The following NDUFA10 variants were observed in gnomAD, a reference collection of about 807,000 sequenced individuals.
NDUFA10 encodes the protein NADH:ubiquinone oxidoreductase subunit A10, also known as NADH dehydrogenase [ubiquinone] 1 alpha subcomplex subunit 10, mitochondrial.
Under a neutral mutation model 47.8 loss-of-function variants are expected in NDUFA10, and 40 were observed. That is an observed-to-expected ratio of 0.84 (90% CI 0.65 to 1.09). The LOEUF (loss-of-function observed/expected upper bound fraction) is 1.09. NDUFA10 is among the 50% of genes least tolerant of loss of function. The pLI is 0.00. For missense variants in NDUFA10, 413 were observed against 451.1 expected, an observed-to-expected ratio of 0.92 and a Z score of 0.76; for synonymous variants, 183 against 172.2, an observed-to-expected ratio of 1.06 and a Z score of -0.49.
At chr2:239,919,209 C>T (rs1015062975) in intron 4 of NDUFA10, among the ~76,000 whole-genome samples, 3 of 152,218 alleles carry the variant, frequency 2.0e-5, no homozygotes, top group African/African-American at 7.2e-5. Flanking sequence ...AGGCATGCAG[C>T]TCTGGAGCCA....
downstream of NDUFA10, among the ~76,000 whole-genome samples, chr2:239,955,747 G>A (rs1470317081): frequency 1.3e-5 from 2 of 152,196 alleles, no homozygotes; most frequent in African/African-American, 4.8e-5. Flanking sequence ...TCATAGGCTG[G>A]GTTCTCAGGG....
rs1024355296 is a variant in NDUFA10, at chr2:239,927,991, T to C, written c.295-32677A>G. Among the ~76,000 whole-genome samples, 4 of 152,284 alleles carry C rather than the reference T, an allele frequency of 2.6e-5. No individual in the cohort carries two copies. The South Asian group carries it at 6.2e-4, about 24-fold the overall frequency. Reference sequence around the variant, plus strand: ...TGCTGCGTTTGCAATTTCTTGTGCATGTGTAGTCATCAAATTAAAAGTTAA... The same window carrying C: ...TGCTGCGTTTGCAATTTCTTGTGCACGTGTAGTCATCAAATTAAAAGTTAA... On this transcript the variant is annotated intron_variant, in intron 4 of 5. Coordinates refer to the NDUFA10 transcript ENST00000419408.
chr2:239,976,424 G>GC lies in NDUFA10; in HGVS notation c.999+13649dup, dbSNP rs201037564. ...CAGCCATCCTCCTTCTCCCTCAACT[G>GC]CCCCCCCCAAGACTCTACTTGGCAA... On this transcript the variant is annotated intron_variant, in intron 9 of 9. Transcript: ENST00000252711. The GC allele has an allele frequency of 4.7e-3, 711 of 151,632 alleles. 18 individuals carry two copies. Among genetic ancestry groups the GC allele is most frequent in the Admixed American group, 0.03 (455 of 15,198 alleles). The allele number at this position is 151,632 out of a possible 1,614,324, so 9.4% of individuals were successfully genotyped here.
Position 239,960,258 on chromosome 2 carries a change from A to G in NDUFA10, c.*860T>C, listed in dbSNP as rs1256221206. ...CTGACAGCTTGATTCCTAAACCATG[A>G]TGCTGAACCACAACCAGCTTGTTTT... On this transcript the variant is annotated 3_prime_UTR_variant, in exon 10 of 10. Coordinates refer to ENST00000252711, the MANE Select transcript of NDUFA10 (RefSeq NM_004544.4). 8 of 985,550 alleles carry G rather than the reference A, an allele frequency of 8.1e-6. No homozygotes were observed. In the African/African-American group the frequency reaches 1.2e-4, roughly 15 times the overall value. The allele number at this position is 985,550 out of a possible 1,614,324, so 61.1% of individuals were successfully genotyped here.
chr2:239,977,723 T>C (rs1695587885), intron 9 of NDUFA10, among the ~76,000 whole-genome samples: 2 of 152,372 alleles, frequency 1.3e-5, no homozygotes, highest in Non-Finnish European at 2.9e-5. Flanking sequence ...TGTAATCTAC[T>C]GTCTGGAACT....
At chr2:239,992,181 T>C (rs1209811376) in intron 8 of NDUFA10, among the ~76,000 whole-genome samples, 1 of 152,202 alleles carries the variant, frequency 6.6e-6, no homozygotes, top group Non-Finnish European at 1.5e-5. Context: ...AAAGAAAATA[T>C]TCTCTTCACA....
chr2:239,936,274 A>T (rs1258922866), intron 4 of NDUFA10, among the ~76,000 whole-genome samples: 1 of 152,200 alleles, frequency 6.6e-6, no homozygotes, highest in East Asian at 1.9e-4. Context: ...TTTCCTCAGG[A>T]TGGCAGGGCA....
intron 4 of NDUFA10, among the ~76,000 whole-genome samples, chr2:239,929,543 C>A (rs1417520644): frequency 6.6e-6 from 1 of 152,150 alleles, no homozygotes; most frequent in Non-Finnish European, 1.5e-5. Flanking sequence ...ACCTCACAAG[C>A]CCGGGAAGTG....
rs1183499105 is a variant in NDUFA10, at chr2:239,928,461, T to TTCC, written c.295-33150_295-33148dup. 7.2e-5 allele frequency among the ~76,000 whole-genome samples: 11 copies of TTCC among 152,174 alleles called. No individual in the cohort carries two copies. The highest frequency in any genetic ancestry group is 1.6e-4 in the Non-Finnish European group (11 of 68,016). On this transcript the variant is annotated intron_variant, in intron 4 of 5. Transcript: ENST00000419408. This position sits in a 1 kb window ranked among gnomAD's most constrained non-coding sequence, Gnocchi z 4.3. ...TGTGATTATTATTCTGTGAAGTCAG[T>TTCC]TCCTCATGGCAGGAAATCCCCCGAA...
intron 4 of NDUFA10, among the ~76,000 whole-genome samples, chr2:239,921,966 C>T (rs1574780828): frequency 6.9e-6 from 1 of 144,654 alleles, no homozygotes; most frequent in South Asian, 2.3e-4. Flanking sequence ...CCCTCCCTCC[C>T]TCCTTTCCTC....
chr2:240,023,775 G>A (rs759085738), intron 1 of NDUFA10, among the ~76,000 whole-genome samples: 1 of 152,112 alleles, frequency 6.6e-6, no homozygotes, highest in Non-Finnish European at 1.5e-5. Flanking sequence ...GAAGAGTAAG[G>A]AAGAAACAAG....
intron 4 of NDUFA10, among the ~76,000 whole-genome samples, chr2:239,951,739 A>T (rs1286506836): frequency 6.6e-6 from 1 of 152,266 alleles, no homozygotes; most frequent in Non-Finnish European, 1.5e-5. Flanking sequence ...CATTCCTAAA[A>T]TTCCTAAATT....
At chr2:239,986,000 C>T (rs1390344550) in intron 9 of NDUFA10, among the ~76,000 whole-genome samples, 4 of 150,748 alleles carry the variant, frequency 2.7e-5, no homozygotes, top group African/African-American at 4.9e-5. Flanking sequence ...CAAGTGAGTA[C>T]AGACGCACAT....
In NDUFA10 at chr2:239,961,134, C is replaced by T; in HGVS notation, c.1052G>A (p.Trp351Ter). Reference protein sequence around the residue: ...PGYNTEVGDKWIWLK With the variant: ...PGYNTEVGDK ...GCGGCCCGTTCACTTCAGCCAGATC[C>T]ACTTGTCTCCCACCTCGGTGTTGTA... Residue 351 changes from tryptophan (W) to a stop codon, truncating the protein, a stop_gained, in exon 10 of 10, where the codon TGG becomes TAG. Coordinates refer to ENST00000252711, the MANE Select transcript of NDUFA10 (RefSeq NM_004544.4). LOFTEE classifies it high-confidence loss of function. 6.2e-7 allele frequency: 1 copy of T among 1,614,248 alleles called. No individual in the cohort carries two copies. Among genetic ancestry groups the T allele is most frequent in the South Asian group, 1.1e-5 (1 of 91,090 alleles).
intron 9 of NDUFA10, among the ~76,000 whole-genome samples, chr2:239,981,210 T>C (rs1695759554): frequency 6.6e-6 from 1 of 152,226 alleles, no homozygotes; most frequent in African/African-American, 2.4e-5. Flanking sequence ...CATCCTGTAC[T>C]TCATCTGGCA....
intron 9 of NDUFA10, 82 bp downstream of exon 9, chr2:239,989,992 C>G: frequency 9.8e-7 from 1 of 1,021,610 alleles, no homozygotes; most frequent in Non-Finnish European, 1.6e-6. Flanking sequence ...AACAAAAACT[C>G]CTTTCTGGAG....
At chr2:239,944,092 A>G (rs1408484969) in intron 4 of NDUFA10, among the ~76,000 whole-genome samples, 1 of 152,098 alleles carries the variant, frequency 6.6e-6, no homozygotes. Context: ...CTCCAGGTGC[A>G]GGGCACCGGT....
chr2:239,972,137 A>G (rs1695326606), intron 9 of NDUFA10, among the ~76,000 whole-genome samples: 2 of 150,498 alleles, frequency 1.3e-5, no homozygotes, highest in African/African-American at 4.9e-5. Flanking sequence ...TTCATGAAGG[A>G]TGTGTGTGTG....
chr2:240,001,044 G>A (rs1187384080), intron 8 of NDUFA10, among the ~76,000 whole-genome samples: 1 of 152,212 alleles, frequency 6.6e-6, no homozygotes, highest in African/African-American at 2.4e-5. Flanking sequence ...CACATCACTC[G>A]GAAGGTCAGC....
Sources: allele counts gnomAD v4.1 joint callset (sites outside exome capture counted in the v4.1 genomes callset), GRCh38; gene constraint gnomAD v4.1.1; non-coding constraint Gnocchi (gnomAD v3.1); transcripts MANE v1.5; gene names NCBI Gene and HGNC (gene_info 2026-07-23, HGNC 2026-07-21).